ASTN2: variants seen among roughly 807,000 people sequenced by gnomAD.
The protein encoded by ASTN2 is astrotactin 2.
Under a neutral mutation model 139.8 loss-of-function variants are expected in ASTN2, and 54 were observed. The observed-to-expected ratio is 0.39, with a 90% CI of 0.31 to 0.48. The LOEUF is 0.48. Ranked by LOEUF, ASTN2 falls within the 20% of genes least tolerant of loss-of-function variation. The pLI is 0.95. For synonymous variants in ASTN2, 756 were observed against 719.5 expected (o/e 1.05, Z -0.81); for missense variants, 1,565 against 1,725.1 (o/e 0.91, Z 1.64).
At chr9:116,747,987 T>C (rs1421696751) in intron 13 of ASTN2, among the ~76,000 whole-genome samples, 2 of 152,096 alleles carry the variant, frequency 1.3e-5, no homozygotes, top group Non-Finnish European at 2.9e-5. Flanking sequence ...AGCACTGGGA[T>C]CCCTTGTCCT....
chr9:116,432,354 C>T (rs922235940), intron 22 of ASTN2, among the ~76,000 whole-genome samples: 2 of 152,182 alleles, frequency 1.3e-5, no homozygotes, highest in Non-Finnish European at 2.9e-5. Flanking sequence ...TTAGTGTGCA[C>T]ATATCTTGGG....
chr9:117,289,860 C>G (rs1480073941), intron 2 of ASTN2, among the ~76,000 whole-genome samples: 1 of 152,156 alleles, frequency 6.6e-6, no homozygotes, highest in East Asian at 1.9e-4. Flanking sequence ...TTTGTTCCTC[C>G]ACGTGATGAG....
At chr9:116,439,948 T>A (rs949290268) in intron 22 of ASTN2, among the ~76,000 whole-genome samples, 1 of 152,186 alleles carries the variant, frequency 6.6e-6, no homozygotes, top group East Asian at 1.9e-4. Context: ...AGCCACCACA[T>A]AAGAGGTGCT....
intron 10 of ASTN2, among the ~76,000 whole-genome samples, chr9:116,895,529 T>A (rs915260355): frequency 9.9e-5 from 15 of 152,138 alleles, no homozygotes; most frequent in Non-Finnish European, 7.4e-5. Flanking sequence ...GGGCAAAGGA[T>A]GTGAGTTAGA....
chr9:117,391,528 C>T (rs1830540334), intron 1 of ASTN2, among the ~76,000 whole-genome samples: 1 of 152,154 alleles, frequency 6.6e-6, no homozygotes, highest in African/African-American at 2.4e-5. Context: ...GAAAGACCTG[C>T]TTCCATGATT....
At chr9:116,881,926 A>G (rs907073736) in intron 10 of ASTN2, among the ~76,000 whole-genome samples, 1 of 126,418 alleles carries the variant, frequency 7.9e-6, no homozygotes, top group Non-Finnish European at 1.9e-5. Flanking sequence ...GCACAACTTA[A>G]TGAATGGAGT....
Position 117,240,433 on chromosome 9 carries a change from T to C in ASTN2, c.631-25691A>G, listed in dbSNP as rs2225751. 7.9e-3 allele frequency among the ~76,000 whole-genome samples: 1,207 copies of C among 152,238 alleles called. 13 individuals carry two copies. The highest frequency in any genetic ancestry group is 0.028 in the African/African-American group (1,170 of 41,526). On this transcript the variant is annotated intron_variant, in intron 2 of 22. Coordinates refer to ENST00000313400, the MANE Select transcript of ASTN2 (RefSeq NM_001365068.1). ...TCCAGGATAAAGAACAACAGCACAT[T>C]GCAAGCTGAAGCAATGCTTTCAATG...
intron 1 of ASTN2, among the ~76,000 whole-genome samples, chr9:117,391,246 T>A (rs537469577): frequency 2.6e-5 from 4 of 152,268 alleles, no homozygotes; most frequent in African/African-American, 9.6e-5. Context: ...ATAAGCACAA[T>A]GGGAAGTCAT....
intron 1 of ASTN2, among the ~76,000 whole-genome samples, chr9:117,385,742 G>C (rs1830378705): frequency 6.6e-6 from 1 of 152,024 alleles, no homozygotes; most frequent in South Asian, 2.1e-4. Flanking sequence ...AAGAGAAAAA[G>C]AAAGGAGCAA....
At chr9:117,248,943 C>T (rs577553986) in intron 2 of ASTN2, among the ~76,000 whole-genome samples, 29 of 152,328 alleles carry the variant, frequency 1.9e-4, no homozygotes, top group African/African-American at 7.0e-4. Context: ...AGTCTCTTCA[C>T]TCTCCAGGCC....
At chr9:117,029,565 C>T (rs1838188989) in intron 6 of ASTN2, among the ~76,000 whole-genome samples, 2 of 152,104 alleles carry the variant, frequency 1.3e-5, no homozygotes, top group South Asian at 4.2e-4. Context: ...TGGCATGTCC[C>T]ACCACCACTA....
At chr9:116,860,906 G>C (rs1832859655) in intron 11 of ASTN2, among the ~76,000 whole-genome samples, 2 of 152,184 alleles carry the variant, frequency 1.3e-5, no homozygotes, top group Admixed American at 1.3e-4. Context: ...TGAGCTATGA[G>C]AAGAAGTTTC....
chr9:116,499,668 A>G (rs1406764725), intron 19 of ASTN2, among the ~76,000 whole-genome samples: 2 of 152,130 alleles, frequency 1.3e-5, no homozygotes, highest in African/African-American at 4.8e-5. Flanking sequence ...AAGTGAGTCA[A>G]TGAATAAGCA....
chr9:116,964,365 A>G (rs1835956989), intron 10 of ASTN2, among the ~76,000 whole-genome samples: 2 of 152,054 alleles, frequency 1.3e-5, no homozygotes, highest in African/African-American at 4.8e-5. Flanking sequence ...TGGGCCTTAA[A>G]AGGCAGAATG....
intron 19 of ASTN2, among the ~76,000 whole-genome samples, chr9:116,496,708 A>C (rs1849679532): frequency 6.6e-6 from 1 of 152,220 alleles, no homozygotes; most frequent in Admixed American, 6.5e-5. Flanking sequence ...TTATAAGAAA[A>C]AGAGGTTTAA....
chr9:117,210,528 A>G (rs1466801596), intron 3 of ASTN2, among the ~76,000 whole-genome samples: 1 of 152,166 alleles, frequency 6.6e-6, no homozygotes, highest in East Asian at 1.9e-4. Flanking sequence ...AAACCTTAAC[A>G]GACCAAAACA....
chr9:117,268,780 A>T (rs1399878122), intron 2 of ASTN2, among the ~76,000 whole-genome samples: 1 of 152,174 alleles, frequency 6.6e-6, no homozygotes, highest in Non-Finnish European at 1.5e-5. Flanking sequence ...GACATTAGAC[A>T]AGCTGTAATG....
At chr9:116,766,428 A>G (rs1381992105) in intron 13 of ASTN2, among the ~76,000 whole-genome samples, 1 of 151,986 alleles carries the variant, frequency 6.6e-6, no homozygotes, top group Non-Finnish European at 1.5e-5. Flanking sequence ...ACATACATTC[A>G]CACTCACACA....
intron 6 of ASTN2, among the ~76,000 whole-genome samples, chr9:117,030,405 T>G (rs1421157782): frequency 2.0e-5 from 3 of 152,202 alleles, no homozygotes; most frequent in African/African-American, 7.2e-5. Context: ...TGGGAACATA[T>G]TTTTGGACTC....
Sources: allele counts gnomAD v4.1 joint callset (sites outside exome capture counted in the v4.1 genomes callset), GRCh38; gene constraint gnomAD v4.1.1; transcripts MANE v1.5; gene names NCBI Gene and HGNC (gene_info 2026-07-23, HGNC 2026-07-21).